The following WDR70 variants were observed in gnomAD, a reference collection of about 807,000 sequenced individuals.
WDR70 encodes the protein WD repeat-containing protein 70.
A neutral mutation model predicts 88.6 loss-of-function variants in WDR70; 53 were observed. The observed-to-expected ratio is 0.60, with a 90% CI of 0.48 to 0.75. The LOEUF (loss-of-function observed/expected upper bound fraction) is 0.75, where lower values mean the gene tolerates loss of function less well. Ranked by LOEUF, WDR70 falls within the 30% of genes least tolerant of loss-of-function variation. WDR70 has a pLI of 0.00. For missense variants in WDR70, 610 were observed against 823.2 expected, an observed-to-expected ratio of 0.74 and a Z score of 3.17; for synonymous variants, 280 against 270.0, an observed-to-expected ratio of 1.04 and a Z score of -0.36.
At chr5:37,604,276 T>G (rs1417406887) in intron 9 of WDR70, among the ~76,000 whole-genome samples, 1 of 152,244 alleles carries the variant, frequency 6.6e-6, no homozygotes, top group African/African-American at 2.4e-5. Flanking sequence ...TGACTGGCTA[T>G]AGAATATTAG....
chr5:37,638,188 A>G (rs1184552185), intron 10 of WDR70, among the ~76,000 whole-genome samples: 1 of 152,206 alleles, frequency 6.6e-6, no homozygotes, highest in Non-Finnish European at 1.5e-5. Flanking sequence ...GTATCCCTAT[A>G]CAAAAAGTTT....
At chr5:37,411,582 C>T (rs561118756) in intron 5 of WDR70, among the ~76,000 whole-genome samples, 22 of 152,114 alleles carry the variant, frequency 1.4e-4, no homozygotes, top group African/African-American at 4.3e-4. Flanking sequence ...AAAAATTATC[C>T]GGGTGTGTTG....
chr5:37,622,600 A>G (rs967719117), intron 10 of WDR70, among the ~76,000 whole-genome samples: 8 of 152,220 alleles, frequency 5.3e-5, no homozygotes, highest in African/African-American at 1.4e-4. Context: ...AGGGACATGG[A>G]TGAAGCTGGA....
At chr5:37,632,737 T>C (rs1744852164) in intron 10 of WDR70, among the ~76,000 whole-genome samples, 2 of 152,230 alleles carry the variant, frequency 1.3e-5, no homozygotes, top group South Asian at 4.1e-4. Context: ...GTTAATTTAT[T>C]ATTGAAGAAA....
intron 7 of WDR70, among the ~76,000 whole-genome samples, chr5:37,477,046 G>C (rs1159218954): frequency 2.6e-5 from 4 of 152,190 alleles, no homozygotes. Flanking sequence ...AGTGTCCTCT[G>C]TACTTTTACA....
At chr5:37,623,079 G>A (rs1326214914) in intron 10 of WDR70, among the ~76,000 whole-genome samples, 1 of 152,046 alleles carries the variant, frequency 6.6e-6, no homozygotes, top group African/African-American at 2.4e-5. Flanking sequence ...AAAAGTTATG[G>A]CGGTATTAAA....
intron 10 of WDR70, among the ~76,000 whole-genome samples, chr5:37,608,267 C>T (rs1331935883): frequency 6.6e-6 from 1 of 152,030 alleles, no homozygotes; most frequent in East Asian, 1.9e-4. Context: ...GTCTCAAACT[C>T]CTGACCTCGT....
At chr5:37,605,369 G>C (rs1335764287) in intron 10 of WDR70, 131 bp downstream of exon 10, 2 of 927,682 alleles carry the variant, frequency 2.2e-6, no homozygotes, top group Non-Finnish European at 3.0e-6. Context: ...TTAAACTTCA[G>C]TGTTAGGTGA....
chr5:37,482,039 T>G (rs1739686527), intron 8 of WDR70, among the ~76,000 whole-genome samples: 1 of 152,202 alleles, frequency 6.6e-6, no homozygotes, highest in African/African-American at 2.4e-5. Context: ...AACAAATTCC[T>G]CATCTCCATC....
At chr5:37,413,463 C>T (rs1309788803) in intron 5 of WDR70, among the ~76,000 whole-genome samples, 1 of 152,098 alleles carries the variant, frequency 6.6e-6, no homozygotes, top group Non-Finnish European at 1.5e-5. Context: ...TGGCTCACAC[C>T]TGTAATCCCA....
intron 10 of WDR70, among the ~76,000 whole-genome samples, chr5:37,656,048 G>T (rs1279325644): frequency 8.5e-6 from 1 of 117,164 alleles, no homozygotes; most frequent in Admixed American, 9.1e-5. Flanking sequence ...CAGCCTTTTT[G>T]CCCTGGTTTT....
rs377318977 is a variant in WDR70 at position 37,518,258 on chromosome 5, A to G, written c.917+1668A>G. 4.6e-4 allele frequency among the ~76,000 whole-genome samples: 70 copies of G among 152,140 alleles called. No homozygotes were observed. The East Asian group carries it at 0.012, about 26-fold the overall frequency. ...ATGTACAGTTATATTATTATTGACT[A>G]TAGTCACTCTGTTATGCTATCAAAT... On this transcript the variant is annotated intron_variant, in intron 9 of 17. Coordinates refer to ENST00000265107, the MANE Select transcript of WDR70 (RefSeq NM_018034.4).
At chr5:37,684,084 G>C (rs13154033) in intron 10 of WDR70, among the ~76,000 whole-genome samples, 63,919 of 151,900 alleles carry the variant, frequency 0.42, 15,463 homozygotes, top group Non-Finnish European at 0.54. Context: ...GCTTATTTCA[G>C]AAAGCCAGTC....
chr5:37,745,689 T>G (rs1209274476), intron 17 of WDR70, among the ~76,000 whole-genome samples: 3 of 152,054 alleles, frequency 2.0e-5, no homozygotes, highest in African/African-American at 7.2e-5. Flanking sequence ...AGAAGGGCAT[T>G]GCATAATGGT....
chr5:37,729,796 A>G (rs759508199), intron 17 of WDR70, among the ~76,000 whole-genome samples: 1 of 152,046 alleles, frequency 6.6e-6, no homozygotes, highest in African/African-American at 2.4e-5. Flanking sequence ...AAATATTACT[A>G]TGGTTCTAGG....
At chr5:37,726,674 A>T (rs935400912) in intron 16 of WDR70, among the ~76,000 whole-genome samples, 1 of 152,184 alleles carries the variant, frequency 6.6e-6, no homozygotes, top group African/African-American at 2.4e-5. Context: ...ACTGAGACAT[A>T]ACAAAAAAAT....
intron 9 of WDR70, among the ~76,000 whole-genome samples, chr5:37,594,571 G>A (rs1581421535): frequency 1.3e-5 from 2 of 152,162 alleles, no homozygotes; most frequent in Non-Finnish European, 2.9e-5. Flanking sequence ...TTGAAGTCAG[G>A]TAGTGTGATG....
At chr5:37,626,797 C>T (rs1432681146) in intron 10 of WDR70, among the ~76,000 whole-genome samples, 2 of 152,048 alleles carry the variant, frequency 1.3e-5, no homozygotes, top group Admixed American at 1.3e-4. Flanking sequence ...TCTCTCATGA[C>T]TTGTAATTGG....
At chr5:37,697,594 CA>C (rs1380475972) in intron 10 of WDR70, 60 bp from the exon 11 acceptor site, 1 of 1,382,522 alleles carries the variant, frequency 7.2e-7, no homozygotes, top group Non-Finnish European at 1.0e-6. Flanking sequence ...GTTCTTGCCA[CA>C]AAACTGTTCT....
Sources: gnomAD v4.1 joint callset for allele counts (sites outside exome capture counted in the v4.1 genomes callset) on GRCh38, gnomAD v4.1.1 for gene constraint, MANE v1.5 for transcripts, NCBI Gene and HGNC (gene_info 2026-07-23, HGNC 2026-07-21) for gene names.